TMEM63B: variants seen among roughly 807,000 people sequenced by gnomAD.
TMEM63B encodes transmembrane protein 63B.
TMEM63B carries 23 observed loss-of-function variants against 102.6 expected under a neutral mutation model. The observed-to-expected ratio is 0.22, with a 90% CI of 0.16 to 0.32. The LOEUF is 0.32. Among genes scored for constraint, TMEM63B ranks in the 10% least tolerant of loss-of-function variants. TMEM63B has a pLI of 1.00. For missense variants in TMEM63B, 628 were observed against 1,095.9 expected (o/e 0.57, Z 6.03); for synonymous variants, 444 against 437.0 (o/e 1.02, Z -0.20).
Position 44,148,243 on chromosome 6 carries a change from C to T in TMEM63B, c.988-9C>T. The T allele has an allele frequency of 6.2e-7, 1 of 1,614,146 alleles. No homozygotes were observed. The highest frequency in any genetic ancestry group is 2.2e-5 in the East Asian group (1 of 44,886). ...AACTAGAGGCCCTGTCCCTAACCCT[C>T]CCACAAAGGTGGAGGCCATTGAGTA... is the stretch of plus-strand genomic sequence containing the variant. On this transcript the variant is annotated splice_polypyrimidine_tract_variant and intron_variant, in intron 12 of 23. Coordinates refer to ENST00000323267, the MANE Select transcript of TMEM63B (RefSeq NM_018426.3). This position sits in a 1 kb window ranked among gnomAD's most constrained non-coding sequence, Gnocchi z 5.1.
chr6:44,151,970 C>G lies in TMEM63B; in HGVS notation c.1798C>G (p.Leu600Val), dbSNP rs531124334. Residue 600 changes from leucine to valine, a missense_variant, in exon 19 of 24, where the codon CTG becomes GTG. Transcript: ENST00000323267. ...GCTCATGTACATGATCCGGCTCTGC[C>G]TGGCGCGCTCGGCCGCCGAGAGGCG... ...GLLMYMIRLC[L>V]ARSAAERRNV... The G allele has an allele frequency of 1.2e-6, 2 of 1,611,744 alleles. No homozygotes were observed. The highest frequency in any genetic ancestry group is 1.6e-4 in the Middle Eastern group (1 of 6,062).
Position 44,152,416 on chromosome 6 carries a change from G to T in TMEM63B, c.1837-177G>T, listed in dbSNP as rs1008609556. On this transcript the variant is annotated intron_variant, in intron 19 of 23. Coordinates refer to ENST00000323267, the MANE Select transcript of TMEM63B (RefSeq NM_018426.3). The surrounding 1 kb of genome is among the most constrained non-coding windows in gnomAD (Gnocchi z 6.4). ...CTGCAACCGCCCTGACCCTCCTCTCGGCCATAGCCCCTCTCTCCATCTGCT... is the reference window on the plus strand; with the variant it reads ...CTGCAACCGCCCTGACCCTCCTCTCTGCCATAGCCCCTCTCTCCATCTGCT... Among the ~76,000 whole-genome samples the T allele has an allele frequency of 5.3e-5, 8 of 151,186 alleles. No individual in the cohort carries two copies. The highest frequency in any genetic ancestry group is 1.7e-4 in the African/African-American group (7 of 41,016).
chr6:44,150,006 C>T lies in TMEM63B; in HGVS notation c.1520+41C>T, dbSNP rs1396256252. The T allele has an allele frequency of 6.4e-7, 1 of 1,560,232 alleles. No homozygotes were observed. The highest frequency in any genetic ancestry group is 1.1e-5 in the South Asian group (1 of 87,414). On this transcript the variant is annotated intron_variant, in intron 16 of 23. Coordinates refer to ENST00000323267, the MANE Select transcript of TMEM63B (RefSeq NM_018426.3). The surrounding 1 kb of genome is among the most constrained non-coding windows in gnomAD (Gnocchi z 4.7). Reference sequence around the variant, plus strand: ...TCACACCACACCTCGCTGTGGCCTGCCCTCAATGACCCATCCTCTCTGGGC... The same window carrying T: ...TCACACCACACCTCGCTGTGGCCTGTCCTCAATGACCCATCCTCTCTGGGC...
chr6:44,154,969 C>A lies in TMEM63B; in HGVS notation c.*86C>A. ...CTAAAACGCTAATAATTTATTAGAT[C>A]TAAAGCCCCTTCCTCCCCAGCCCCT... On this transcript the variant is annotated 3_prime_UTR_variant, in exon 24 of 24. Coordinates refer to ENST00000323267, the MANE Select transcript of TMEM63B (RefSeq NM_018426.3). The A allele has an allele frequency of 1.6e-6, 2 of 1,259,064 alleles. No individual in the cohort carries two copies. The highest frequency in any genetic ancestry group is 2.1e-6 in the Non-Finnish European group (2 of 937,946). 78.0% of individuals were successfully genotyped at this position (1,259,064 alleles called of 1,614,324 possible). A position where few individuals can be genotyped will look rare whatever the true frequency, so the allele number is the denominator to read the frequency against.
Position 44,140,312 on chromosome 6 carries a change from C to T in TMEM63B, c.663C>T (p.Tyr221=), listed in dbSNP as rs1379345896. The T allele has an allele frequency of 6.2e-7, 1 of 1,614,060 alleles. No homozygotes were observed. The stretch of plus-strand genomic sequence containing the variant: ...TCCTGTATCTGCTGCTCACCGTCTA[C>T]AGCATGCGTAGACACACCTCCAAGA... ...FAFLYLLLTV[Y]SMRRHTSKMR... is the part of the protein sequence containing the mutation. The change falls in exon 9 of 24, where the codon TAC becomes TAT. Residue 221 remains tyrosine, a synonymous_variant. Coordinates refer to ENST00000323267, the MANE Select transcript of TMEM63B (RefSeq NM_018426.3).
At chr6:44,132,266 G>A (rs767585943) in intron 1 of TMEM63B, 1 of 985,450 alleles carries the variant, frequency 1.0e-6, no homozygotes, top group Non-Finnish European at 1.2e-6. Flanking sequence ...GTGACCCCAA[G>A]GAGGCGGACA....
intron 10 of TMEM63B, among the ~76,000 whole-genome samples, chr6:44,146,463 T>TTTTTTTTTTTTTTATTTTTTA (rs1176291597): frequency 6.6e-6 from 1 of 151,568 alleles, no homozygotes; most frequent in Non-Finnish European, 1.5e-5. Flanking sequence ...TTTTGTCTTT[T>TTTTTTTTTTTTTTATTTTTTA]TTTTTGAGAT....
chr6:44,151,542 G>T (rs1766618019), intron 18 of TMEM63B, among the ~76,000 whole-genome samples: 1 of 152,154 alleles, frequency 6.6e-6, no homozygotes, highest in Non-Finnish European at 1.5e-5. Context: ...GGTTCTTTGA[G>T]GGTCTCATTG....
At chr6:44,134,530 A>G in intron 1 of TMEM63B, 31 bp from the exon 2 acceptor site, 1 of 1,593,678 alleles carries the variant, frequency 6.3e-7, no homozygotes, top group Non-Finnish European at 8.6e-7. Context: ...GATGGGGGCA[A>G]GCCCAGCTGA....
chr6:44,134,869 C>T (rs1762610083), intron 2 of TMEM63B, 126 bp downstream of exon 2: 1 of 1,489,102 alleles, frequency 6.7e-7, no homozygotes, highest in Non-Finnish European at 9.2e-7. Flanking sequence ...GAGTCCCCAT[C>T]ATCCAGCCCA....
At position 44,152,652 on chromosome 6, in the gene TMEM63B, G is replaced by A. The variant is rs374047026; in HGVS notation, c.1896G>A (p.Thr632=). ...ACGCCTGGATGATGTGCGTCTTCAC[G>A]GTGGTCATGACCTACAGTATCACCT... The part of the protein sequence containing the change: ...AAYAWMMCVF[T]VVMTYSITCP... Residue 632 remains threonine (T), a synonymous_variant, in exon 20 of 24, where the codon ACG becomes ACA. Transcript: ENST00000323267. This position sits in a 1 kb window ranked among gnomAD's most constrained non-coding sequence, Gnocchi z 6.4. The A allele has an allele frequency of 5.6e-6, 9 of 1,608,126 alleles. No individual in the cohort carries two copies. The highest frequency in any genetic ancestry group is 1.3e-5 in the African/African-American group (1 of 74,880).
intron 12 of TMEM63B, 94 bp downstream of exon 12, chr6:44,147,594 C>G: frequency 6.6e-7 from 1 of 1,515,812 alleles, no homozygotes; most frequent in African/African-American, 1.4e-5. Context: ...CCCACCTGTC[C>G]CTGGAATCCT....
intron 4 of TMEM63B, among the ~76,000 whole-genome samples, chr6:44,135,798 G>GC (rs1435123103): frequency 6.6e-6 from 1 of 152,188 alleles, no homozygotes; most frequent in Non-Finnish European, 1.5e-5. Flanking sequence ...TGCCCAAGGA[G>GC]CCCCCCAGTC....
chr6:44,141,692 G>A (rs922194370), intron 10 of TMEM63B, among the ~76,000 whole-genome samples: 6 of 152,186 alleles, frequency 3.9e-5, no homozygotes, highest in Admixed American at 6.5e-5. Context: ...TCAGTGAAGG[G>A]CCCCTCCATG....
At chr6:44,143,077 A>G (rs1764629931) in intron 10 of TMEM63B, among the ~76,000 whole-genome samples, 1 of 152,244 alleles carries the variant, frequency 6.6e-6, no homozygotes, top group South Asian at 2.1e-4. Context: ...CCAGAATCAG[A>G]GTTCACTCAT....
chr6:44,153,984 G>A (rs1395391108), intron 21 of TMEM63B, 89 bp from the exon 22 acceptor site: 1 of 1,554,630 alleles, frequency 6.4e-7, no homozygotes, highest in Non-Finnish European at 8.8e-7. Context: ...GCACCTGGGA[G>A]AGTGAGGACT....
chr6:44,141,426 C>T (rs1380652174), intron 10 of TMEM63B, among the ~76,000 whole-genome samples: 2 of 152,174 alleles, frequency 1.3e-5, no homozygotes, highest in Non-Finnish European at 2.9e-5. Flanking sequence ...TTAAAAGCAG[C>T]ATTCTGGAGT....
At chr6:44,154,309 C>T in intron 22 of TMEM63B, 56 bp from the exon 23 acceptor site, 1 of 1,607,250 alleles carries the variant, frequency 6.2e-7, no homozygotes, top group Non-Finnish European at 8.5e-7. Flanking sequence ...GGCGTGGGGT[C>T]ATGATCAGGG....
rs748166685 is a variant in TMEM63B, at chr6:44,140,307, G to A, written c.658G>A (p.Val220Ile). Residue 220 changes from valine (V) to isoleucine (I), a missense_variant, in exon 9 of 24, where the codon GTC becomes ATC. This residue lies in a region of TMEM63B where 336 missense variants were observed against 580.3 expected (regional missense o/e 0.58). Coordinates refer to ENST00000323267, the MANE Select transcript of TMEM63B (RefSeq NM_018426.3). The stretch of plus-strand genomic sequence containing the variant: ...CGCCTTCCTGTATCTGCTGCTCACC[G>A]TCTACAGCATGCGTAGACACACCTC... ...SFAFLYLLLT[V>I]YSMRRHTSKM... 10 of 1,613,870 alleles carry A rather than the reference G, an allele frequency of 6.2e-6. No homozygotes were observed. Among genetic ancestry groups the A allele is most frequent in the Non-Finnish European group, 8.5e-6 (10 of 1,179,978 alleles).
Sources: allele counts gnomAD v4.1 joint callset (sites outside exome capture counted in the v4.1 genomes callset), GRCh38; gene constraint gnomAD v4.1.1; regional missense constraint gnomAD v4.1.1; non-coding constraint Gnocchi (gnomAD v3.1); transcripts MANE v1.5; gene names NCBI Gene and HGNC (gene_info 2026-07-23, HGNC 2026-07-21).